The following FOXP1 variants were observed in gnomAD, a reference collection of about 807,000 sequenced individuals.
The protein encoded by FOXP1 is forkhead box protein P1.
A neutral mutation model predicts 98.2 loss-of-function variants in FOXP1; 15 were observed. The observed-to-expected ratio is 0.15, with a 90% CI of 0.10 to 0.24. The LOEUF (loss-of-function observed/expected upper bound fraction) is 0.24, where lower values mean the gene tolerates loss of function less well. FOXP1 is among the 10% of genes least tolerant of loss of function. The probability of loss-of-function intolerance (pLI) is 1.00; values close to 1 mark genes in which losing one functional copy is unlikely to be tolerated. For missense variants in FOXP1, 633 were observed against 848.5 expected (o/e 0.75, Z 3.15); for synonymous variants, 371 against 314.5 (o/e 1.18, Z -1.90).
intron 2 of FOXP1, among the ~76,000 whole-genome samples, chr3:71,554,494 G>T (rs1346620520): frequency 2.0e-5 from 3 of 152,086 alleles, no homozygotes; most frequent in Non-Finnish European, 4.4e-5. Flanking sequence ...TCAACAGAAT[G>T]AAATTCTGTT....
intron 3 of FOXP1, among the ~76,000 whole-genome samples, chr3:71,379,120 T>C (rs2079950547): frequency 2.0e-5 from 3 of 152,196 alleles, no homozygotes; most frequent in Admixed American, 2.0e-4. Flanking sequence ...TTAGTTAATG[T>C]TGAAAACTCT....
chr3:71,061,900 C>G, intron 7 of FOXP1, among the ~76,000 whole-genome samples: 1 of 152,174 alleles, frequency 6.6e-6, no homozygotes, highest in African/African-American at 2.4e-5. Flanking sequence ...CTGATTGTCT[C>G]AGAAACATAG....
intron 7 of FOXP1, among the ~76,000 whole-genome samples, chr3:71,107,624 C>T (rs1055527854): frequency 7.2e-5 from 11 of 152,040 alleles, no homozygotes; most frequent in African/African-American, 1.9e-4. Flanking sequence ...AAAAAGTTTG[C>T]TTCTCTCTCC....
At chr3:71,381,437 C>CTTTTTTTTTTTTT (rs1171799165) in intron 3 of FOXP1, among the ~76,000 whole-genome samples, 1 of 77,694 alleles carries the variant, frequency 1.3e-5, no homozygotes, top group Non-Finnish European at 2.4e-5. Context: ...TGCGCCTGGC[C>CTTTTTTTTTTTTT]TTTTTTTTTT....
intron 12 of FOXP1, among the ~76,000 whole-genome samples, chr3:71,002,210 T>C (rs1461151232): frequency 1.3e-5 from 2 of 152,212 alleles, no homozygotes; most frequent in Non-Finnish European, 2.9e-5. Flanking sequence ...ATGCATCCCC[T>C]CTTGTTTAAC....
chr3:70,983,200 T>C (rs145011282), intron 14 of FOXP1, among the ~76,000 whole-genome samples: 20 of 151,366 alleles, frequency 1.3e-4, no homozygotes, highest in Admixed American at 9.3e-4. Context: ...AGCGAACTCG[T>C]GGAAGGTTAT....
chr3:71,309,926 A>G (rs559464752), intron 4 of FOXP1, among the ~76,000 whole-genome samples: 27 of 152,348 alleles, frequency 1.8e-4, no homozygotes, highest in Non-Finnish European at 3.4e-4. Context: ...ACATAAAAAA[A>G]AATCCTAAGC....
At chr3:71,277,615 A>T (rs2071052052) in intron 5 of FOXP1, among the ~76,000 whole-genome samples, 1 of 151,988 alleles carries the variant, frequency 6.6e-6, no homozygotes, top group African/African-American at 2.4e-5. Context: ...CCAGCCATGC[A>T]GGCCTTATTT....
At chr3:71,212,882 T>C (rs984162711) in intron 5 of FOXP1, among the ~76,000 whole-genome samples, 1 of 151,866 alleles carries the variant, frequency 6.6e-6, no homozygotes, top group Non-Finnish European at 1.5e-5. Context: ...ATAGATTGTA[T>C]CATTTCAGAA....
At chr3:71,319,515 C>A (rs1369472342) in intron 4 of FOXP1, among the ~76,000 whole-genome samples, 2 of 152,144 alleles carry the variant, frequency 1.3e-5, no homozygotes, top group Non-Finnish European at 2.9e-5. Flanking sequence ...AATCTCTGTT[C>A]AGTGATGAAA....
At chr3:71,399,925 T>C (rs1428070893) in intron 3 of FOXP1, among the ~76,000 whole-genome samples, 2 of 152,196 alleles carry the variant, frequency 1.3e-5, no homozygotes, top group African/African-American at 4.8e-5. Flanking sequence ...GCCTAGTATG[T>C]TCCACATCAA....
chr3:71,363,571 T>C (rs2078718896), intron 3 of FOXP1, among the ~76,000 whole-genome samples: 1 of 152,172 alleles, frequency 6.6e-6, no homozygotes, highest in Admixed American at 6.5e-5. Context: ...AGCACGACTG[T>C]CTTTAAATGC....
intron 5 of FOXP1, among the ~76,000 whole-genome samples, chr3:71,246,685 CAGAG>C (rs1355504768): frequency 6.6e-6 from 1 of 152,172 alleles, no homozygotes; most frequent in Non-Finnish European, 1.5e-5. Flanking sequence ...TTGAGCTAAA[CAGAG>C]AGATAGCAAA....
intron 1 of FOXP1, among the ~76,000 whole-genome samples, chr3:71,583,239 C>T (rs1194982959): frequency 6.6e-6 from 1 of 152,038 alleles, no homozygotes; most frequent in African/African-American, 2.4e-5. Context: ...ACAGTCGCCA[C>T]CGCCCCCGCC....
chr3:71,205,261 CT>C (rs2063949783), intron 5 of FOXP1, among the ~76,000 whole-genome samples: 1 of 152,082 alleles, frequency 6.6e-6, no homozygotes, highest in Admixed American at 6.5e-5. Flanking sequence ...CATTAATTTT[CT>C]TGTGGTATAA....
At chr3:71,026,846 T>C (rs889416149) in intron 11 of FOXP1, among the ~76,000 whole-genome samples, 1 of 152,168 alleles carries the variant, frequency 6.6e-6, no homozygotes, top group Non-Finnish European at 1.5e-5. Flanking sequence ...GGCTGGTTGG[T>C]GTGCTTGGAT....
At chr3:71,044,168 A>G (rs1358056498) in intron 10 of FOXP1, among the ~76,000 whole-genome samples, 1 of 152,176 alleles carries the variant, frequency 6.6e-6, no homozygotes, top group Non-Finnish European at 1.5e-5. Context: ...TAGACAGATA[A>G]AAGGTAACCC....
intron 13 of FOXP1, among the ~76,000 whole-genome samples, chr3:70,995,014 G>A (rs1428105584): frequency 2.0e-5 from 3 of 151,900 alleles, no homozygotes; most frequent in African/African-American, 7.3e-5. Flanking sequence ...AGTCAATTCT[G>A]TCAGATGTTT....
chr3:71,345,280 C>G (rs554257697), intron 4 of FOXP1, among the ~76,000 whole-genome samples: 2 of 151,532 alleles, frequency 1.3e-5, no homozygotes, highest in East Asian at 3.9e-4. Flanking sequence ...CCCAGCTACT[C>G]GGGAGGCTGA....
Sources: gnomAD v4.1 joint callset for allele counts (sites outside exome capture counted in the v4.1 genomes callset) on GRCh38, gnomAD v4.1.1 for gene constraint, MANE v1.5 for transcripts, NCBI Gene and HGNC (gene_info 2026-07-23, HGNC 2026-07-21) for gene names.